Variants in SATL1 observed in about 807,000 individuals in gnomAD.
The protein encoded by SATL1 is spermidine/spermine N(1)-acetyltransferase-like protein 1.
In SATL1, 47 loss-of-function variants were observed where a neutral mutation model predicts 51.8. That is an observed-to-expected ratio of 0.91 (90% confidence interval 0.72 to 1.16). The LOEUF is 1.16. Among genes scored for constraint, SATL1 ranks in the 50% most tolerant of loss-of-function variants. SATL1 has a pLI of 0.00. For synonymous variants in SATL1, 176 were observed against 182.4 expected, an observed-to-expected ratio of 0.97 and a Z score of 0.28; for missense variants, 520 against 526.4, an observed-to-expected ratio of 0.99 and a Z score of 0.12.
chrX:85,151,194 C>A (rs1186328867), intron 2 of SATL1, among the ~76,000 whole-genome samples: 4 of 109,885 alleles, frequency 3.6e-5, no homozygotes, highest in African/African-American at 1.3e-4. Flanking sequence ...AGAGCCAAAT[C>A]ATGAGTGAAC....
At chrX:85,121,301 T>C (rs1028554809) in intron 2 of SATL1, among the ~76,000 whole-genome samples, 6 of 105,319 alleles carry the variant, frequency 5.7e-5, no homozygotes, top group Admixed American at 1.1e-4. Flanking sequence ...GAGAATAATA[T>C]GTATATATAA....
At chrX:85,124,196 C>T (rs911073684) in intron 2 of SATL1, among the ~76,000 whole-genome samples, 1 of 110,840 alleles carries the variant, frequency 9.0e-6, no homozygotes, top group East Asian at 2.8e-4. Context: ...TGCTTCATTC[C>T]TTTGTTTTGT....
chrX:85,112,854 G>A (rs771064564), intron 2 of SATL1, among the ~76,000 whole-genome samples: 1 of 111,311 alleles, frequency 9.0e-6, no homozygotes, highest in African/African-American at 3.3e-5. Flanking sequence ...ACCATCACCT[G>A]ATGGTCGCCT....
At chrX:85,174,585 A>C (rs752154246) in intron 2 of SATL1, among the ~76,000 whole-genome samples, 1 of 111,297 alleles carries the variant, frequency 9.0e-6, no homozygotes, top group African/African-American at 3.3e-5. Context: ...AGCCTCCCAA[A>C]GTGGTGGGAT....
intron 4 of SATL1, among the ~76,000 whole-genome samples, chrX:85,100,192 T>TCAAAA (rs1477331916): frequency 1.0e-5 from 1 of 100,078 alleles, no homozygotes; most frequent in East Asian, 3.2e-4. Flanking sequence ...AGACTCTGTC[T>TCAAAA]CAAAACAAAA....
chrX:85,243,171 A>C (rs944670748), intron 1 of SATL1, among the ~76,000 whole-genome samples: 7 of 112,707 alleles, frequency 6.2e-5, no homozygotes, highest in African/African-American at 2.3e-4. Context: ...AATGATTTGC[A>C]AAGATAAAGA....
chrX:85,112,499 T>C (rs1925283465), intron 2 of SATL1, among the ~76,000 whole-genome samples: 2 of 111,738 alleles, frequency 1.8e-5, no homozygotes, highest in African/African-American at 6.5e-5. Flanking sequence ...ATGTTCCTTT[T>C]CCACCAATTC....
At chrX:85,150,464 A>C (rs1275429727) in intron 2 of SATL1, among the ~76,000 whole-genome samples, 171 of 108,186 alleles carry the variant, frequency 1.6e-3, no homozygotes, top group African/African-American at 5.5e-3. Flanking sequence ...AACTCATTTT[A>C]TGAGGCCAGC....
intron 2 of SATL1, among the ~76,000 whole-genome samples, chrX:85,197,789 T>C (rs1424394255): frequency 9.1e-6 from 1 of 109,918 alleles, no homozygotes; most frequent in Non-Finnish European, 1.9e-5. Flanking sequence ...AGAATGATGA[T>C]TTCCAATTTC....
intron 2 of SATL1, chrX:85,211,179 A>G: frequency 8.9e-6 from 1 of 112,231 alleles, no homozygotes; most frequent in Non-Finnish European, 1.9e-5. Flanking sequence ...GTAAAAATAC[A>G]TTTGATTTCA....
chrX:85,098,554 T>G, intron 4 of SATL1, among the ~76,000 whole-genome samples: 1 of 112,061 alleles, frequency 8.9e-6, no homozygotes. Flanking sequence ...ATAGATACAT[T>G]AGGTCACATA....
intron 5 of SATL1, 115 bp downstream of exon 5, chrX:85,094,799 TGG>T (rs1924647632): frequency 4.2e-6 from 2 of 472,556 alleles, no homozygotes; most frequent in African/African-American, 4.9e-5. Context: ...TTAAAAAAAC[TGG>T]GTTTATACAC....
At chrX:85,233,251 C>G (rs1928418940) in intron 1 of SATL1, among the ~76,000 whole-genome samples, 1 of 112,113 alleles carries the variant, frequency 8.9e-6, no homozygotes, top group African/African-American at 3.2e-5. Flanking sequence ...GAAGATATGG[C>G]TGCAGTGAAC....
At chrX:85,146,374 A>T (rs963821387) in intron 2 of SATL1, among the ~76,000 whole-genome samples, 4 of 111,893 alleles carry the variant, frequency 3.6e-5, no homozygotes, top group Non-Finnish European at 7.5e-5. Flanking sequence ...TAAATGCTTG[A>T]GGTGATGGAC....
At chrX:85,150,684 C>T (rs1182109391) in intron 2 of SATL1, among the ~76,000 whole-genome samples, 1 of 111,535 alleles carries the variant, frequency 9.0e-6, no homozygotes, top group Non-Finnish European at 1.9e-5. Context: ...TAAACATAAT[C>T]CAGCATATAA....
At chrX:85,115,577 T>G (rs924256817) in intron 2 of SATL1, among the ~76,000 whole-genome samples, 2 of 111,778 alleles carry the variant, frequency 1.8e-5, no homozygotes, top group African/African-American at 6.5e-5. Flanking sequence ...TGGCAAGAGC[T>G]CTGGGTGCAA....
At chrX:85,172,942 C>G (rs781686946) in intron 2 of SATL1, among the ~76,000 whole-genome samples, 2 of 111,224 alleles carry the variant, frequency 1.8e-5, no homozygotes, top group African/African-American at 3.3e-5. Context: ...TGACTAAAGT[C>G]CTAAAATTTC....
At chrX:85,212,817 T>C (rs1214408239) in intron 2 of SATL1, 1 of 111,100 alleles carries the variant, frequency 9.0e-6, no homozygotes, top group Non-Finnish European at 1.9e-5. Flanking sequence ...GAAGCCATTC[T>C]TTGTATGTAT....
intron 2 of SATL1, among the ~76,000 whole-genome samples, chrX:85,164,103 A>G (rs914797315): frequency 8.1e-5 from 9 of 111,689 alleles, no homozygotes; most frequent in African/African-American, 2.9e-4. Context: ...ATGTGCATGG[A>G]ATATTTTTTT....
Sources: gnomAD v4.1 joint callset for allele counts (sites outside exome capture counted in the v4.1 genomes callset) on GRCh38, gnomAD v4.1.1 for gene constraint, MANE v1.5 for transcripts, NCBI Gene and HGNC (gene_info 2026-07-23, HGNC 2026-07-21) for gene names.